The following C8A variants were observed in gnomAD, a reference collection of about 807,000 sequenced individuals.
C8A encodes complement component C8 alpha chain.
A neutral mutation model predicts 65.3 loss-of-function variants in C8A; 67 were observed. The observed-to-expected ratio is 1.03, with a 90% CI of 0.84 to 1.26. C8A has a LOEUF of 1.26. Ranked by LOEUF, C8A falls within the 50% of genes most tolerant of loss-of-function variation. The probability of loss-of-function intolerance (pLI) is 0.00; values close to 1 mark genes in which losing one functional copy is unlikely to be tolerated. For synonymous variants in C8A, 290 were observed against 259.4 expected, an observed-to-expected ratio of 1.12 and a Z score of -1.13; for missense variants, 781 against 723.9, an observed-to-expected ratio of 1.08 and a Z score of -0.90.
intron 7 of C8A, among the ~76,000 whole-genome samples, chr1:56,902,121 A>C (rs1017757102): frequency 2.6e-5 from 4 of 152,172 alleles, no homozygotes; most frequent in African/African-American, 9.7e-5. Context: ...GTACCCTCAC[A>C]GGCAAACAGC....
chr1:56,885,312 A>G (rs867709833), intron 6 of C8A, among the ~76,000 whole-genome samples: 3,034 of 106,222 alleles, frequency 0.029, 142 homozygotes, highest in Admixed American at 0.075. Flanking sequence ...ATATATTTAC[A>G]TAAATATATT....
chr1:56,908,076 G>A lies in C8A; in HGVS notation c.1343G>A (p.Arg448Lys), dbSNP rs781654088. 3.1e-6 allele frequency: 5 copies of A among 1,614,108 alleles called. No homozygotes were observed. Among genetic ancestry groups the A allele is most frequent in the Non-Finnish European group, 4.2e-6 (5 of 1,180,008 alleles). ...ACCATTACATACCGTTCCTGGGGGA[G>A]GTCATTAAAGTATAATCCTGTTGTT... Reference protein sequence around the residue: ...RSTITYRSWGRSLKYNPVVID... With the variant: ...RSTITYRSWGKSLKYNPVVID... The change falls in exon 9 of 11, where the codon AGG becomes AAG. Residue 448 changes from arginine (R) to lysine (K), a missense_variant. Coordinates refer to ENST00000361249, the MANE Select transcript of C8A (RefSeq NM_000562.3).
In C8A at chr1:56,854,923, A is replaced by T. The variant is rs1345667547; in HGVS notation, c.22A>T (p.Ile8Phe). The part of the protein sequence containing the change: MFAVVFF[I>F]LSLMTCQPGV... ...TGAGATGTTTGCTGTTGTTTTCTTCATCTTGTCTTTGATGACTTGTCAGCC... is the reference window on the plus strand; with the variant it reads ...TGAGATGTTTGCTGTTGTTTTCTTCTTCTTGTCTTTGATGACTTGTCAGCC... Residue 8 changes from isoleucine to phenylalanine, a missense_variant, in exon 1 of 11, where the codon ATC (isoleucine) becomes TTC (phenylalanine). By Grantham distance (21) the Ile-to-Phe change is conservative. Transcript: ENST00000361249. The T allele has an allele frequency of 6.2e-7, 1 of 1,613,686 alleles. No individual in the cohort carries two copies. The highest frequency in any genetic ancestry group is 1.1e-5 in the South Asian group (1 of 90,976).
At chr1:56,898,167 C>T (rs1038252895) in intron 7 of C8A, among the ~76,000 whole-genome samples, 3 of 151,986 alleles carry the variant, frequency 2.0e-5, no homozygotes, top group Non-Finnish European at 2.9e-5. Flanking sequence ...AGGTTGGACT[C>T]GGTTTTGGAA....
chr1:56,913,179 A>G (rs541677299), intron 10 of C8A, among the ~76,000 whole-genome samples: 3 of 152,168 alleles, frequency 2.0e-5, no homozygotes, highest in East Asian at 3.9e-4. Context: ...TATAAGAACC[A>G]CCAGTCACTG....
intron 10 of C8A, among the ~76,000 whole-genome samples, chr1:56,913,112 A>T (rs1644523259): frequency 6.6e-6 from 1 of 152,114 alleles, no homozygotes; most frequent in Admixed American, 6.5e-5. Flanking sequence ...GCATCGCTCC[A>T]GTCTCTGCCT....
chr1:56,880,822 T>C (rs945376844), intron 4 of C8A, among the ~76,000 whole-genome samples: 1 of 152,186 alleles, frequency 6.6e-6, no homozygotes, highest in Non-Finnish European at 1.5e-5. Context: ...ATGAGGGCAG[T>C]AGTATTTAAG....
At chr1:56,874,522 T>G (rs924995405) in intron 2 of C8A, among the ~76,000 whole-genome samples, 2 of 152,106 alleles carry the variant, frequency 1.3e-5, no homozygotes, top group Admixed American at 1.3e-4. Context: ...AATATGAAAA[T>G]TGCTCACAGT....
chr1:56,867,927 G>A (rs1476434237), intron 2 of C8A, among the ~76,000 whole-genome samples: 1 of 152,080 alleles, frequency 6.6e-6, no homozygotes, highest in Non-Finnish European at 1.5e-5. Flanking sequence ...GTATGTTATG[G>A]CTCATAGGCA....
chr1:56,855,012 C>A (rs373550196), intron 1 of C8A, 34 bp downstream of exon 1: 2 of 1,515,000 alleles, frequency 1.3e-6, no homozygotes, highest in Non-Finnish European at 9.2e-7. Flanking sequence ...AAAACTTGCA[C>A]GTAGGAATCA....
chr1:56,872,848 A>T (rs1644159523), intron 2 of C8A, among the ~76,000 whole-genome samples: 1 of 152,172 alleles, frequency 6.6e-6, no homozygotes, highest in Non-Finnish European at 1.5e-5. Flanking sequence ...GTAACAGATA[A>T]ACCAGTGTTC....
intron 7 of C8A, among the ~76,000 whole-genome samples, chr1:56,894,750 A>G (rs902296467): frequency 6.6e-6 from 1 of 152,084 alleles, no homozygotes; most frequent in Non-Finnish European, 1.5e-5. Context: ...TACACATAAC[A>G]TGGGAAACAC....
intron 7 of C8A, among the ~76,000 whole-genome samples, chr1:56,889,671 G>A (rs1174280076): frequency 6.6e-6 from 1 of 152,164 alleles, no homozygotes; most frequent in Non-Finnish European, 1.5e-5. Context: ...AAAGGACTGA[G>A]CTTGGCATGG....
rs79219324 is a variant in C8A, at chr1:56,889,128, C to T, written c.1096+2961C>T. Among the ~76,000 whole-genome samples, 460 of 152,162 alleles carry T rather than the reference C, an allele frequency of 3.0e-3. 7 individuals carry two copies. In the East Asian group the frequency reaches 0.051, roughly 17 times the overall value. ...CGACAAATTGTCCCAGGGATAATTA[C>T]CTCAGCTCTGTTTATAGAAAACCAT... On this transcript the variant is annotated intron_variant, in intron 7 of 10. Transcript: ENST00000361249.
In C8A at chr1:56,881,434, G is replaced by A. The variant is rs778608536; in HGVS notation, c.465-11G>A. 6.2e-7 allele frequency: 1 copy of A among 1,613,502 alleles called. No individual in the cohort carries two copies. Reference sequence around the variant, plus strand: ...CCACTAGCTATTTAGAAGCTGCTTTGTTCCATGTAGGTACAATATCCTGAC... The same window carrying A: ...CCACTAGCTATTTAGAAGCTGCTTTATTCCATGTAGGTACAATATCCTGAC... On this transcript the variant is annotated splice_polypyrimidine_tract_variant and intron_variant, in intron 4 of 10. Transcript: ENST00000361249.
chr1:56,883,633 C>A lies in C8A; in HGVS notation c.807C>A (p.His269Gln). ...TATTGGTGGGTGTAGGTGTATCCCA[C>A]TCACAAGACACTTCATTCTTGAACG... ...SPLLVGVGVS[H>Q]SQDTSFLNEL... Residue 269 changes from histidine to glutamine, a missense_variant, in exon 6 of 11, where the codon CAC becomes CAA. Transcript: ENST00000361249. 1.2e-6 allele frequency: 2 copies of A among 1,613,886 alleles called. No individual in the cohort carries two copies. The highest frequency in any genetic ancestry group is 1.7e-6 in the Non-Finnish European group (2 of 1,179,910).
intron 6 of C8A, 105 bp downstream of exon 6, chr1:56,883,786 G>A: frequency 9.9e-7 from 1 of 1,006,306 alleles, no homozygotes; most frequent in Non-Finnish European, 1.5e-6. Flanking sequence ...ACCTTAATTT[G>A]CTTGTGTAAT....
Position 56,886,175 on chromosome 1 carries a change from A to C in C8A, c.1096+8A>C. The C allele has an allele frequency of 6.2e-7, 1 of 1,613,720 alleles. No individual in the cohort carries two copies. On this transcript the variant is annotated splice_region_variant and intron_variant, in intron 7 of 10. Coordinates refer to ENST00000361249, the MANE Select transcript of C8A (RefSeq NM_000562.3). ...CAAAAATGGAATCCCTTGGTAAGTA[A>C]AGCAGAAGCTCTATGTACACAGTAG...
intron 2 of C8A, among the ~76,000 whole-genome samples, chr1:56,873,683 T>C (rs1644169878): frequency 1.3e-5 from 2 of 152,166 alleles, no homozygotes; most frequent in African/African-American, 4.8e-5. Context: ...CTTTCTTACC[T>C]ACATACTAAC....
Sources: gnomAD v4.1 joint callset for allele counts (sites outside exome capture counted in the v4.1 genomes callset) on GRCh38, gnomAD v4.1.1 for gene constraint, MANE v1.5 for transcripts, NCBI Gene and HGNC (gene_info 2026-07-23, HGNC 2026-07-21) for gene names.